NAV2: variants seen among roughly 807,000 people sequenced by gnomAD.
NAV2 encodes the protein neuron navigator 2.
NAV2 carries 54 observed loss-of-function variants against 223.2 expected under a neutral mutation model. The observed-to-expected ratio is 0.24, with a 90% CI of 0.19 to 0.30. NAV2 has a LOEUF of 0.30. Ranked by LOEUF, NAV2 falls within the 10% of genes least tolerant of loss-of-function variation. The pLI is 1.00. For synonymous variants in NAV2, 1,279 were observed against 1,239.3 expected (o/e 1.03, Z -0.67); for missense variants, 2,806 against 3,147.5 (o/e 0.89, Z 2.60).
chr11:19,919,991 C>A (rs146957056), intron 6 of NAV2, among the ~76,000 whole-genome samples: 1 of 151,962 alleles, frequency 6.6e-6, no homozygotes, highest in Non-Finnish European at 1.5e-5. Flanking sequence ...AAAAATTAGC[C>A]GGGCATGGTA....
intron 1 of NAV2, among the ~76,000 whole-genome samples, chr11:19,574,960 G>A (rs1262416475): frequency 6.6e-6 from 1 of 152,152 alleles, no homozygotes; most frequent in Non-Finnish European, 1.5e-5. Flanking sequence ...TAGCACAGGT[G>A]AAGGCCCTGA....
chr11:19,444,506 G>C (rs560241552), intron 1 of NAV2, among the ~76,000 whole-genome samples: 2 of 152,254 alleles, frequency 1.3e-5, no homozygotes, highest in African/African-American at 4.8e-5. Flanking sequence ...ATGTGCTGAA[G>C]ATGGTGCAGC....
At chr11:20,117,671 G>A (rs2063233231) in intron 37 of NAV2, among the ~76,000 whole-genome samples, 1 of 152,146 alleles carries the variant, frequency 6.6e-6, no homozygotes, top group Non-Finnish European at 1.5e-5. Flanking sequence ...GGGGGTCCAT[G>A]TGCTTCCGAT....
chr11:19,967,197 C>A (rs560428652), intron 10 of NAV2, among the ~76,000 whole-genome samples: 3 of 152,302 alleles, frequency 2.0e-5, no homozygotes, highest in African/African-American at 7.2e-5. Flanking sequence ...CAAGCCTATT[C>A]TCTTGGTGCT....
intron 1 of NAV2, among the ~76,000 whole-genome samples, chr11:19,594,225 G>A (rs1016743946): frequency 1.3e-5 from 2 of 152,120 alleles, no homozygotes; most frequent in African/African-American, 2.4e-5. Flanking sequence ...AATGAGTAGA[G>A]GGACTTCGTA....
intron 1 of NAV2, among the ~76,000 whole-genome samples, chr11:19,383,616 T>C (rs1848927891): frequency 1.3e-5 from 2 of 152,198 alleles, no homozygotes; most frequent in African/African-American, 4.8e-5. Flanking sequence ...CACACACAAC[T>C]GAGTTCTGGT....
intron 1 of NAV2, among the ~76,000 whole-genome samples, chr11:19,624,495 G>A (rs1011547528): frequency 2.0e-5 from 3 of 152,192 alleles, no homozygotes; most frequent in South Asian, 2.1e-4. Context: ...CTTGCAGTTC[G>A]ATCTCAGACT....
intron 1 of NAV2, among the ~76,000 whole-genome samples, chr11:19,676,644 G>A (rs1219884920): frequency 6.6e-6 from 1 of 152,196 alleles, no homozygotes; most frequent in Non-Finnish European, 1.5e-5. Flanking sequence ...TGGACGTCAT[G>A]CACTCTATGG....
At chr11:19,354,065 G>A (rs183982370) in intron 1 of NAV2, among the ~76,000 whole-genome samples, 35 of 152,320 alleles carry the variant, frequency 2.3e-4, no homozygotes, top group Non-Finnish European at 3.8e-4. Context: ...CCTTATAGAT[G>A]TATATTTAGG....
At chr11:19,931,342 A>T (rs1293355022) in intron 6 of NAV2, among the ~76,000 whole-genome samples, 1 of 152,162 alleles carries the variant, frequency 6.6e-6, no homozygotes, top group East Asian at 1.9e-4. Flanking sequence ...CCAAATCCCC[A>T]GTAAGTCAGG....
chr11:19,936,722 G>A (rs796897125), intron 7 of NAV2, among the ~76,000 whole-genome samples: 9 of 152,288 alleles, frequency 5.9e-5, no homozygotes, highest in African/African-American at 1.9e-4. Flanking sequence ...TACAGAGTCC[G>A]CTAAGGGCTT....
At chr11:19,923,122 C>CTCA (rs926113345) in intron 6 of NAV2, among the ~76,000 whole-genome samples, 1 of 152,096 alleles carries the variant, frequency 6.6e-6, no homozygotes, top group African/African-American at 2.4e-5. Context: ...GAAATAAGGG[C>CTCA]TCATCTTCTT....
Position 19,777,837 on chromosome 11 carries a change from G to A in NAV2, c.268-54647G>A, listed in dbSNP as rs1009659630. 4 of 455,240 alleles carry A rather than the reference G, an allele frequency of 8.8e-6. No homozygotes were observed. The Admixed American group carries it at 9.4e-5, about 11-fold the overall frequency. 28.2% of individuals were successfully genotyped at this position (455,240 alleles called of 1,614,324 possible). On this transcript the variant is annotated intron_variant, in intron 1 of 37. Transcript: ENST00000349880. ...TGCACACGCTGGGATTGTCTCCTACGAGCATGTCTGCGCCCTCACAGCCTG... is the reference window on the plus strand; with the variant it reads ...TGCACACGCTGGGATTGTCTCCTACAAGCATGTCTGCGCCCTCACAGCCTG...
intron 1 of NAV2, among the ~76,000 whole-genome samples, chr11:19,558,164 A>C (rs966269562): frequency 2.1e-4 from 32 of 152,230 alleles, no homozygotes; most frequent in African/African-American, 7.5e-4. Context: ...TATGAGGACT[A>C]AATGAATACA....
chr11:20,046,420 G>A (rs942566058), intron 14 of NAV2, among the ~76,000 whole-genome samples: 10 of 152,036 alleles, frequency 6.6e-5, no homozygotes, highest in African/African-American at 2.2e-4. Context: ...GTAGCTCAGG[G>A]GAGCAGATAC....
intron 1 of NAV2, among the ~76,000 whole-genome samples, chr11:19,402,955 T>C (rs1385319221): frequency 2.0e-5 from 3 of 152,210 alleles, no homozygotes; most frequent in Non-Finnish European, 4.4e-5. Context: ...CCCTCATCCA[T>C]TCATTACTAA....
At chr11:19,911,177 A>T (rs2043282696) in intron 6 of NAV2, among the ~76,000 whole-genome samples, 1 of 151,908 alleles carries the variant, frequency 6.6e-6, no homozygotes, top group Non-Finnish European at 1.5e-5. Flanking sequence ...CTGTGCTTGG[A>T]ATAGGGACAG....
intron 3 of NAV2, among the ~76,000 whole-genome samples, chr11:19,848,038 A>G (rs1411139492): frequency 6.6e-6 from 1 of 152,174 alleles, no homozygotes; most frequent in Non-Finnish European, 1.5e-5. Flanking sequence ...TGAACCCCAG[A>G]GGCCAGCTCA....
chr11:19,662,830 G>A (rs1055360524), intron 1 of NAV2, among the ~76,000 whole-genome samples: 1 of 152,204 alleles, frequency 6.6e-6, no homozygotes, highest in South Asian at 2.1e-4. Flanking sequence ...TGGGCTGCAC[G>A]CCCTCCTCTT....
Sources: gnomAD v4.1 joint callset for allele counts (sites outside exome capture counted in the v4.1 genomes callset) on GRCh38, gnomAD v4.1.1 for gene constraint, MANE v1.5 for transcripts, NCBI Gene and HGNC (gene_info 2026-07-23, HGNC 2026-07-21) for gene names.